ELAPOR2: variants seen among roughly 807,000 people sequenced by gnomAD.
ELAPOR2 encodes the protein endosome-lysosome associated apoptosis and autophagy regulator family member 2.
In ELAPOR2, 89 loss-of-function variants were observed where a neutral mutation model predicts 120.7. The ratio of observed to expected loss-of-function variants is 0.74; its 90% confidence interval spans 0.62 to 0.88. The LOEUF (loss-of-function observed/expected upper bound fraction) is 0.88, where lower values mean the gene tolerates loss of function less well. ELAPOR2 is among the 40% of genes least tolerant of loss of function. The pLI is 0.00. For missense variants in ELAPOR2, 1,134 were observed against 1,251.6 expected, an observed-to-expected ratio of 0.91 and a Z score of 1.42; for synonymous variants, 444 against 444.9, an observed-to-expected ratio of 1.00 and a Z score of 0.03.
At chr7:86,914,975 T>TG (rs1789498456) in intron 12 of ELAPOR2, 115 bp from the exon 13 acceptor site, 1 of 871,602 alleles carries the variant, frequency 1.1e-6, no homozygotes, top group East Asian at 2.8e-5. Context: ...AGTTTATGAC[T>TG]ATTTACAAAC....
At chr7:86,936,734 C>T (rs993791948) in intron 8 of ELAPOR2, among the ~76,000 whole-genome samples, 1 of 152,080 alleles carries the variant, frequency 6.6e-6, no homozygotes, top group South Asian at 2.1e-4. Flanking sequence ...TCTGCATATA[C>T]ATTTAATATA....
chr7:86,924,376 C>T (rs1346125558), intron 10 of ELAPOR2, among the ~76,000 whole-genome samples: 1 of 134,990 alleles, frequency 7.4e-6, no homozygotes. Context: ...TAAGTGAATA[C>T]ACACACACAC....
At chr7:87,010,607 T>C (rs1333292211) in intron 1 of ELAPOR2, among the ~76,000 whole-genome samples, 1 of 152,228 alleles carries the variant, frequency 6.6e-6, no homozygotes, top group African/African-American at 2.4e-5. Context: ...CTTGTTCTGC[T>C]GCTGTCTTTA....
intron 10 of ELAPOR2, among the ~76,000 whole-genome samples, chr7:86,924,499 A>C (rs940529692): frequency 6.6e-6 from 1 of 151,578 alleles, no homozygotes; most frequent in African/African-American, 2.4e-5. Context: ...TTTAAAATTC[A>C]ATTATAGGAC....
intron 3 of ELAPOR2, among the ~76,000 whole-genome samples, chr7:86,946,796 C>G (rs1202589849): frequency 3.9e-5 from 6 of 152,184 alleles, no homozygotes; most frequent in East Asian, 1.9e-4. Context: ...GAAAAAGAAG[C>G]CTTGTCAGTA....
At chr7:86,896,455 C>T (rs958871317) in intron 19 of ELAPOR2, among the ~76,000 whole-genome samples, 10 of 152,018 alleles carry the variant, frequency 6.6e-5, no homozygotes, top group African/African-American at 2.4e-4. Context: ...TGGGATTGGG[C>T]GCAAGCATCC....
chr7:86,911,698 T>C, intron 15 of ELAPOR2: 1 of 462,592 alleles, frequency 2.2e-6, no homozygotes, highest in South Asian at 1.5e-5. Flanking sequence ...TTTTTCTTCT[T>C]AAAACACAAA....
intron 1 of ELAPOR2, among the ~76,000 whole-genome samples, chr7:87,045,778 A>T (rs1338718313): frequency 6.6e-6 from 1 of 151,306 alleles, no homozygotes. Flanking sequence ...ATAAATAAAA[A>T]ATATATATAA....
At chr7:86,907,450 A>G (rs1427706704) in intron 18 of ELAPOR2, among the ~76,000 whole-genome samples, 4 of 151,980 alleles carry the variant, frequency 2.6e-5, no homozygotes, top group Non-Finnish European at 5.9e-5. Flanking sequence ...AAACAGGACA[A>G]GAATATGTCA....
At chr7:86,959,157 G>A (rs377188848) in intron 2 of ELAPOR2, among the ~76,000 whole-genome samples, 25 of 152,258 alleles carry the variant, frequency 1.6e-4, no homozygotes, top group African/African-American at 6.0e-4. Context: ...ACTGTTTAAA[G>A]TTTATTTTGT....
At chr7:87,042,815 T>C (rs1328113157) in intron 1 of ELAPOR2, among the ~76,000 whole-genome samples, 1 of 151,958 alleles carries the variant, frequency 6.6e-6, no homozygotes, top group East Asian at 1.9e-4. Flanking sequence ...AATTAATGAA[T>C]CCAGGAGCTG....
intron 1 of ELAPOR2, among the ~76,000 whole-genome samples, chr7:86,981,830 G>A (rs1334733619): frequency 3.3e-5 from 5 of 152,228 alleles, no homozygotes; most frequent in African/African-American, 4.8e-5. Flanking sequence ...GCAGCCCACT[G>A]AGGGTGAGCC....
intron 1 of ELAPOR2, among the ~76,000 whole-genome samples, chr7:87,042,547 G>T (rs1006394223): frequency 6.6e-6 from 1 of 151,808 alleles, no homozygotes; most frequent in Non-Finnish European, 1.5e-5. Context: ...AAATAAAGAT[G>T]TTCTTTGAAA....
intron 2 of ELAPOR2, among the ~76,000 whole-genome samples, chr7:86,956,316 G>A (rs1402974596): frequency 6.6e-6 from 1 of 152,194 alleles, no homozygotes; most frequent in East Asian, 1.9e-4. Context: ...GTGAGATGGA[G>A]ACACACAAAA....
chr7:86,943,576 G>A (rs534943158), intron 4 of ELAPOR2, among the ~76,000 whole-genome samples: 4 of 152,082 alleles, frequency 2.6e-5, no homozygotes, highest in Admixed American at 6.6e-5. Context: ...CAAAGGCATC[G>A]CTGACAGGAA....
At position 86,880,475 on chromosome 7, in the gene ELAPOR2, A is replaced by G. The variant is rs754598754; in HGVS notation, c.3086T>C (p.Ile1029Thr). The G allele has an allele frequency of 6.8e-5, 110 of 1,607,758 alleles. No individual in the cohort carries two copies. The highest frequency in any genetic ancestry group is 1.3e-5 in the African/African-American group (1 of 74,742). Reference sequence around the variant, plus strand: ...CAAGGCTACAGCACTGTCTCTTCATATATTTGGGGATCTTGAGGTTTTCAG... The same window carrying G: ...CAAGGCTACAGCACTGTCTCTTCATGTATTTGGGGATCTTGAGGTTTTCAG... ...VQLKTSRSPN[I>T] Residue 1029 changes from isoleucine (I) to threonine (T), a missense_variant, in exon 22 of 22, where the codon ATA becomes ACA. This residue lies in a region of ELAPOR2 where 831 missense variants were observed against 867.6 expected (regional missense o/e 0.96). Coordinates refer to ENST00000450689, the MANE Select transcript of ELAPOR2 (RefSeq NM_001142749.3).
chr7:86,990,092 G>T (rs1792892745), intron 1 of ELAPOR2, among the ~76,000 whole-genome samples: 4 of 151,816 alleles, frequency 2.6e-5, no homozygotes, highest in Admixed American at 2.6e-4. Context: ...TGTCCCCCAG[G>T]CTGGAGTGCA....
chr7:86,903,634 C>A (rs934966133), intron 18 of ELAPOR2, among the ~76,000 whole-genome samples: 7 of 152,114 alleles, frequency 4.6e-5, no homozygotes, highest in South Asian at 2.1e-4. Context: ...GTGAAATAAA[C>A]CCCTGGAGTG....
intron 21 of ELAPOR2, among the ~76,000 whole-genome samples, chr7:86,888,602 G>A (rs1799802966): frequency 6.6e-6 from 1 of 152,076 alleles, no homozygotes; most frequent in Admixed American, 6.6e-5. Context: ...AAAAGAGCAG[G>A]AAATGGCCTC....
Sources: allele counts gnomAD v4.1 joint callset (sites outside exome capture counted in the v4.1 genomes callset), GRCh38; gene constraint gnomAD v4.1.1; regional missense constraint gnomAD v4.1.1; transcripts MANE v1.5; gene names NCBI Gene and HGNC (gene_info 2026-07-23, HGNC 2026-07-21).